The following PTPRO variants were observed in gnomAD, a reference collection of about 807,000 sequenced individuals.
PTPRO encodes receptor-type tyrosine-protein phosphatase O.
PTPRO carries 62 observed loss-of-function variants against 145.2 expected under a neutral mutation model. The ratio of observed to expected loss-of-function variants is 0.43; its 90% CI spans 0.35 to 0.53. The LOEUF is 0.53. Among genes scored for constraint, PTPRO ranks in the 20% least tolerant of loss-of-function variants. PTPRO has a pLI of 0.01. For missense variants in PTPRO, 1,345 were observed against 1,482.7 expected (o/e 0.91, Z 1.53); for synonymous variants, 565 against 514.7 (o/e 1.10, Z -1.32).
intron 1 of PTPRO, among the ~76,000 whole-genome samples, chr12:15,434,928 G>C (rs1940553572): frequency 6.6e-6 from 1 of 152,180 alleles, no homozygotes; most frequent in South Asian, 2.1e-4. Context: ...GATACAGTCA[G>C]ACAATTTCAG....
rs190834555 is a variant in PTPRO at position 15,540,315 on chromosome 12, T to C, written c.2165-6254T>C. 4.1e-3 allele frequency among the ~76,000 whole-genome samples: 619 copies of C among 152,364 alleles called. 5 individuals are homozygous for C. Among genetic ancestry groups the C allele is most frequent in the Non-Finnish European group, 5.4e-3 (368 of 68,036 alleles). On this transcript the variant is annotated intron_variant, in intron 12 of 26. Transcript: ENST00000281171. ...AATAAAAATAAATTTAAAAGACTTA[T>C]GACAATATAGATGTTAACATTTATG...
chr12:15,448,796 T>C (rs974494605), intron 1 of PTPRO, among the ~76,000 whole-genome samples: 1 of 152,088 alleles, frequency 6.6e-6, no homozygotes, highest in Non-Finnish European at 1.5e-5. Flanking sequence ...ATTGAAAAAT[T>C]GATTAAAATA....
intron 1 of PTPRO, among the ~76,000 whole-genome samples, chr12:15,404,767 T>C (rs7958868): frequency 1.0e-3 from 152 of 152,362 alleles, no homozygotes; most frequent in African/African-American, 3.6e-3. Context: ...CTGACTTCCA[T>C]ACAGTTGGAG....
At chr12:15,586,803 C>T (rs914747193) in intron 23 of PTPRO, 94 bp from the exon 24 acceptor site, 3 of 1,429,694 alleles carry the variant, frequency 2.1e-6, no homozygotes, top group South Asian at 2.3e-5. Context: ...TGGAACGTGG[C>T]TCTACCTTTT....
intron 1 of PTPRO, among the ~76,000 whole-genome samples, chr12:15,457,630 G>T (rs571543213): frequency 1.3e-5 from 2 of 151,538 alleles, no homozygotes; most frequent in South Asian, 4.2e-4. Context: ...ATTTTATATT[G>T]ATATTTTATG....
intron 1 of PTPRO, among the ~76,000 whole-genome samples, chr12:15,436,025 T>C (rs1044785126): frequency 2.0e-5 from 3 of 152,342 alleles, no homozygotes; most frequent in Admixed American, 6.5e-5. Flanking sequence ...CCTGAATGAC[T>C]ACTGGATACA....
intron 1 of PTPRO, among the ~76,000 whole-genome samples, chr12:15,437,887 C>A (rs1463993608): frequency 1.3e-5 from 2 of 152,158 alleles, no homozygotes; most frequent in Admixed American, 1.3e-4. Flanking sequence ...CTGGTCCCAC[C>A]CTTTATGGCT....
At chr12:15,360,319 G>A (rs1938134604) in intron 1 of PTPRO, among the ~76,000 whole-genome samples, 1 of 152,076 alleles carries the variant, frequency 6.6e-6, no homozygotes, top group South Asian at 2.1e-4. Context: ...CAAGAAGAGT[G>A]ACCTGAGACT....
At chr12:15,385,853 T>C (rs1319084490) in intron 1 of PTPRO, among the ~76,000 whole-genome samples, 1 of 144,890 alleles carries the variant, frequency 6.9e-6, no homozygotes, top group Non-Finnish European at 1.5e-5. Flanking sequence ...GAAGGACAGA[T>C]GCTAGATAGA....
At chr12:15,354,233 A>G (rs1248612994) in intron 1 of PTPRO, among the ~76,000 whole-genome samples, 1 of 152,180 alleles carries the variant, frequency 6.6e-6, no homozygotes, top group East Asian at 1.9e-4. Context: ...TGAGTCATCC[A>G]TTTGTAAACT....
intron 1 of PTPRO, among the ~76,000 whole-genome samples, chr12:15,372,913 CT>C (rs1347315122): frequency 1.3e-5 from 2 of 152,082 alleles, no homozygotes; most frequent in Admixed American, 1.3e-4. Flanking sequence ...TGGATTTGGA[CT>C]AAAACTGGTG....
Position 15,513,132 on chromosome 12 carries a change from GAAGGAAGGAAGA to G in PTPRO, c.1465-2362_1465-2351del, listed in dbSNP as rs1282466465. On this transcript the variant is annotated intron_variant, in intron 7 of 26. Coordinates refer to ENST00000281171, the MANE Select transcript of PTPRO (RefSeq NM_030667.3). ...GAAAGGAAGGAAGGAAGGAAGGAAGGAAGGAAGGAAGAAAGAAAGAAAGAAAAAGAAAGAAAG... is the reference window on the plus strand; with the variant it reads ...GAAAGGAAGGAAGGAAGGAAGGAAGGAAGAAAGAAAGAAAAAGAAAGAAAG... Among the ~76,000 whole-genome samples, 29 of 21,088 alleles carry G rather than the reference GAAGGAAGGAAGA, an allele frequency of 1.4e-3. 5 individuals are homozygous for G. The South Asian group carries it at 0.023, about 16-fold the overall frequency. 13.8% of individuals were successfully genotyped at this position (21,088 alleles called of 152,430 possible).
intron 1 of PTPRO, among the ~76,000 whole-genome samples, chr12:15,330,432 GA>G (rs1866575598): frequency 6.6e-6 from 1 of 152,150 alleles, no homozygotes; most frequent in Non-Finnish European, 1.5e-5. Flanking sequence ...CTACTCTCGA[GA>G]TCAACTGTGC....
intron 15 of PTPRO, among the ~76,000 whole-genome samples, chr12:15,552,986 C>G (rs2300285): frequency 0.34 from 51,798 of 151,278 alleles, 9,034 homozygotes; most frequent in Middle Eastern, 0.48. Flanking sequence ...TTTTAGTAGA[C>G]ACAGGGTTTC....
chr12:15,400,246 C>T (rs1939454030), intron 1 of PTPRO, among the ~76,000 whole-genome samples: 1 of 151,768 alleles, frequency 6.6e-6, no homozygotes, highest in African/African-American at 2.4e-5. Flanking sequence ...CCGCCTTGGC[C>T]TCCCAACGTG....
At position 15,484,058 on chromosome 12, in the gene PTPRO, T is replaced by C. The variant is rs1941835649; in HGVS notation, c.160T>C (p.Ser54Pro). The C allele has an allele frequency of 6.2e-7, 1 of 1,613,824 alleles. No individual in the cohort carries two copies. Residue 54 changes from serine (S) to proline (P), a missense_variant, in exon 2 of 27, where the codon TCT becomes CCT. Physicochemically the swap from Ser to Pro is moderately conservative, Grantham distance 74 (BLOSUM62 -1). Transcript: ENST00000281171. ...LEASDVISPA[S>P]VYVVKITGES... is the part of the protein sequence containing the mutation. ...AGCTTCAGACGTCATCAGTCCAGCA[T>C]CTGTGTATGTTGTGAAGATAACTGG...
chr12:15,482,109 G>A (rs1468415013), intron 1 of PTPRO, among the ~76,000 whole-genome samples: 2 of 151,972 alleles, frequency 1.3e-5, no homozygotes, highest in African/African-American at 2.4e-5. Flanking sequence ...ATCAACTTAA[G>A]TGTCCAGCAG....
At chr12:15,449,342 T>C (rs1940988870) in intron 1 of PTPRO, among the ~76,000 whole-genome samples, 1 of 152,224 alleles carries the variant, frequency 6.6e-6, no homozygotes, top group Non-Finnish European at 1.5e-5. Context: ...TTAAGCTAGG[T>C]TACAGTTCAT....
intron 2 of PTPRO, among the ~76,000 whole-genome samples, chr12:15,488,196 C>T (rs80151006): frequency 0.017 from 2,533 of 152,206 alleles, 92 homozygotes; most frequent in African/African-American, 0.058. Flanking sequence ...AGAGAAAACA[C>T]GTATTGATTT....
Sources: gnomAD v4.1 joint callset for allele counts (sites outside exome capture counted in the v4.1 genomes callset) on GRCh38, gnomAD v4.1.1 for gene constraint, MANE v1.5 for transcripts, NCBI Gene and HGNC (gene_info 2026-07-23, HGNC 2026-07-21) for gene names.